EDA: variants seen among roughly 807,000 people sequenced by gnomAD.
EDA encodes the protein ectodysplasin A.
EDA carries 2 observed loss-of-function variants against 23.6 expected under a neutral mutation model. The ratio of observed to expected loss-of-function variants is 0.08; its 90% CI spans 0.03 to 0.27. The LOEUF (loss-of-function observed/expected upper bound fraction) is 0.27, where lower values mean the gene tolerates loss of function less well. Ranked by LOEUF, EDA falls within the 10% of genes least tolerant of loss-of-function variation. The probability of loss-of-function intolerance (pLI) is 1.00; values close to 1 mark genes in which losing one functional copy is unlikely to be tolerated. For missense variants in EDA, 229 were observed against 324.2 expected (o/e 0.71, Z 2.26); for synonymous variants, 131 against 132.0 (o/e 0.99, Z 0.05).
rs749556568 is a variant in EDA, at chrX:69,864,525, A to G, written c.397-92502A>G. Among the ~76,000 whole-genome samples, 217 of 111,782 alleles carry G rather than the reference A, an allele frequency of 1.9e-3. 1 individual carries two copies. The highest frequency in any genetic ancestry group is 3.2e-3 in the Non-Finnish European group (170 of 53,160). On this transcript the variant is annotated intron_variant, in intron 1 of 7. Coordinates refer to ENST00000374552, the MANE Select transcript of EDA (RefSeq NM_001399.5). ...CCAAATGAGAAGGAACCAGAAAAAC[A>G]ATTCTGGTAATAGGACAAAACAATG... is the stretch of plus-strand genomic sequence containing the variant.
intron 1 of EDA, among the ~76,000 whole-genome samples, chrX:69,852,918 G>GCA (rs1238175147): frequency 9.0e-6 from 1 of 111,690 alleles, no homozygotes; most frequent in Non-Finnish European, 1.9e-5. Context: ...TGCTTTCCAA[G>GCA]CACCTCATAG....
At chrX:70,033,304 A>T in intron 6 of EDA, 94 bp from the exon 7 acceptor site, 1 of 1,136,718 alleles carries the variant, frequency 8.8e-7, no homozygotes, top group Non-Finnish European at 1.2e-6. Flanking sequence ...TTGCACTGGG[A>T]TAGGGGTGGG....
At chrX:70,008,460 A>G (rs1426811977) in intron 2 of EDA, among the ~76,000 whole-genome samples, 1 of 112,042 alleles carries the variant, frequency 8.9e-6, no homozygotes, top group Non-Finnish European at 1.9e-5. Context: ...TGATTTTTGA[A>G]TGGTTAACCA....
At chrX:69,687,028 T>C (rs1021377088) in intron 1 of EDA, among the ~76,000 whole-genome samples, 1 of 112,079 alleles carries the variant, frequency 8.9e-6, no homozygotes, top group Admixed American at 9.5e-5. Context: ...CTGCACCATA[T>C]TACATTTCCA....
chrX:69,870,269 G>A (rs1460093041), intron 1 of EDA, among the ~76,000 whole-genome samples: 4 of 111,449 alleles, frequency 3.6e-5, no homozygotes, highest in Middle Eastern at 9.2e-3. Flanking sequence ...TTCTTCCACC[G>A]TTATCTGATA....
intron 1 of EDA, among the ~76,000 whole-genome samples, chrX:69,799,349 G>C (rs1231209157): frequency 9.0e-6 from 1 of 111,078 alleles, no homozygotes; most frequent in Non-Finnish European, 1.9e-5. Flanking sequence ...ATCACATCAA[G>C]TTTAAAAAGC....
At chrX:69,701,289 T>TG (rs2011526191) in intron 1 of EDA, among the ~76,000 whole-genome samples, 1 of 110,634 alleles carries the variant, frequency 9.0e-6, no homozygotes, top group East Asian at 2.9e-4. Context: ...GCAGTCCTTG[T>TG]GGGGGCCACT....
At chrX:70,007,459 C>T (rs2019817634) in intron 2 of EDA, among the ~76,000 whole-genome samples, 1 of 111,444 alleles carries the variant, frequency 9.0e-6, no homozygotes, top group Non-Finnish European at 1.9e-5. Context: ...TTATGAGGGG[C>T]TTTTTCCCCT....
intron 1 of EDA, among the ~76,000 whole-genome samples, chrX:69,656,059 CA>C (rs1248276966): frequency 9.2e-6 from 1 of 109,128 alleles, no homozygotes; most frequent in Non-Finnish European, 1.9e-5. Context: ...CACCATTTGT[CA>C]GATATATGCC....
chrX:69,674,379 C>A (rs370791122), intron 1 of EDA, among the ~76,000 whole-genome samples: 1 of 111,532 alleles, frequency 9.0e-6, no homozygotes, highest in African/African-American at 3.3e-5. Flanking sequence ...TTGATTTTTT[C>A]TATTTAACAT....
chrX:69,771,739 G>A (rs2014645295), intron 1 of EDA, among the ~76,000 whole-genome samples: 1 of 111,833 alleles, frequency 8.9e-6, no homozygotes, highest in Non-Finnish European at 1.9e-5. Flanking sequence ...TCATTTCTGG[G>A]TTATGTATTC....
chrX:69,704,676 T>C (rs1446220358), intron 1 of EDA, among the ~76,000 whole-genome samples: 3 of 110,932 alleles, frequency 2.7e-5, no homozygotes, highest in Admixed American at 9.6e-5. Context: ...AGGTGGGGAC[T>C]ACTGTACTTA....
intron 1 of EDA, among the ~76,000 whole-genome samples, chrX:69,681,012 G>T (rs1042634541): frequency 2.8e-5 from 3 of 108,384 alleles, no homozygotes; most frequent in Admixed American, 9.9e-5. Flanking sequence ...TTTAGGGCAG[G>T]CCTGGTGGTG....
rs1026282572 is a variant in EDA, at chrX:70,037,744, C to T, written c.*2135C>T. ...AACCCAGAGATGCCTGATTTCATTCCTCGATGGTAATACCCGTCCTCTCGG... is the reference window on the plus strand; with the variant it reads ...AACCCAGAGATGCCTGATTTCATTCTTCGATGGTAATACCCGTCCTCTCGG... On this transcript the variant is annotated 3_prime_UTR_variant, in exon 8 of 8. Transcript: ENST00000374552. 1 of 111,838 alleles carries T rather than the reference C, an allele frequency of 8.9e-6. No homozygotes were observed. Among genetic ancestry groups the T allele is most frequent in the Non-Finnish European group, 1.9e-5 (1 of 53,165 alleles). The allele number at this position is 111,838 out of a possible 1,213,427, so 9.2% of individuals were successfully genotyped here.
At position 69,857,603 on chromosome X, in the gene EDA, A is replaced by G. The variant is rs764030156; in HGVS notation, c.397-99424A>G. Reference sequence around the variant, plus strand: ...TGTGAAAAATGATGAAGGTATTGTTATGGGAATTGCATTGAATTTGTAGAT... The same window carrying G: ...TGTGAAAAATGATGAAGGTATTGTTGTGGGAATTGCATTGAATTTGTAGAT... On this transcript the variant is annotated intron_variant, in intron 1 of 7. Coordinates refer to ENST00000374552, the MANE Select transcript of EDA (RefSeq NM_001399.5). Among the ~76,000 whole-genome samples the G allele has an allele frequency of 1.8e-5, 2 of 110,441 alleles. 1 individual carries two copies. Among genetic ancestry groups the G allele is most frequent in the South Asian group, 7.7e-4 (2 of 2,597 alleles).
chrX:70,035,715 C>T lies in EDA; in HGVS notation c.*106C>T, dbSNP rs2147519644. ...GGAGTGAGGTGTATTGGTGTTGCAG[C>T]CGCAGAGAAATGCCCCAGTGTTATT... is the stretch of plus-strand genomic sequence containing the variant. On this transcript the variant is annotated 3_prime_UTR_variant, in exon 8 of 8. Transcript: ENST00000374552. The T allele has an allele frequency of 9.9e-7, 1 of 1,005,242 alleles. No individual in the cohort carries two copies. Among genetic ancestry groups the T allele is most frequent in the Non-Finnish European group, 1.4e-6 (1 of 726,807 alleles). The allele number at this position is 1,005,242 out of a possible 1,213,427, so 82.8% of individuals were successfully genotyped here. A position where few individuals can be genotyped will look rare whatever the true frequency, so the allele number is the denominator to read the frequency against.
intron 1 of EDA, among the ~76,000 whole-genome samples, chrX:69,649,754 T>C (rs965344976): frequency 1.8e-5 from 2 of 110,454 alleles, no homozygotes; most frequent in African/African-American, 3.3e-5. Flanking sequence ...GGCTGGCCAC[T>C]TTTTATATTT....
chrX:70,017,324 A>C (rs1051266870), intron 2 of EDA, among the ~76,000 whole-genome samples: 13 of 112,182 alleles, frequency 1.2e-4, no homozygotes, highest in African/African-American at 4.2e-4. Context: ...TATTCCAAAA[A>C]GTTGAGGAGG....
chrX:69,975,009 G>A (rs1267869566), intron 2 of EDA, among the ~76,000 whole-genome samples: 1 of 112,142 alleles, frequency 8.9e-6, no homozygotes, highest in Non-Finnish European at 1.9e-5. Context: ...CTTATGCACT[G>A]TTGGTGGGAA....
Sources: allele counts gnomAD v4.1 joint callset (sites outside exome capture counted in the v4.1 genomes callset), GRCh38; gene constraint gnomAD v4.1.1; transcripts MANE v1.5; gene names NCBI Gene and HGNC (gene_info 2026-07-23, HGNC 2026-07-21).